RPL34: variants seen among roughly 807,000 people sequenced by gnomAD.
RPL34 encodes the protein ribosomal protein L34.
A neutral mutation model predicts 16.3 loss-of-function variants in RPL34; 2 were observed. The observed-to-expected ratio is 0.12, with a 90% CI of 0.05 to 0.39. The LOEUF (loss-of-function observed/expected upper bound fraction) is 0.39, where lower values mean the gene tolerates loss of function less well. Ranked by LOEUF, RPL34 falls within the 10% of genes least tolerant of loss-of-function variation. The pLI is 0.99. For missense variants in RPL34, 82 were observed against 148.8 expected, an observed-to-expected ratio of 0.55 and a Z score of 2.33; for synonymous variants, 47 against 48.5, an observed-to-expected ratio of 0.97 and a Z score of 0.13.
Position 108,622,515 on chromosome 4 carries a change from G to A in RPL34, c.166G>A (p.Val56Ile), listed in dbSNP as rs370982174. 365 of 1,607,038 alleles carry A rather than the reference G, an allele frequency of 2.3e-4. No homozygotes were observed. The highest frequency in any genetic ancestry group is 3.0e-4 in the Non-Finnish European group (357 of 1,175,348). The change falls in exon 4 of 5, where the codon GTT (valine) becomes ATT (isoleucine). Residue 56 changes from valine (V) to isoleucine (I), a missense_variant and splice_region_variant. Coordinates refer to ENST00000394667, the MANE Select transcript of RPL34 (RefSeq NM_001319236.2). ...AAATCTTAATATTTTTCTTATGCAGGTTCGTGCTGTAAGACCTAAAGTTCT... is the reference window on the plus strand; with the variant it reads ...AAATCTTAATATTTTTCTTATGCAGATTCGTGCTGTAAGACCTAAAGTTCT... ...CGVCPGRLRG[V>I]RAVRPKVLMR...
At chr4:108,628,142 T>C (rs1332706113), downstream of RPL34, among the ~76,000 whole-genome samples, 1 of 152,220 alleles carries the variant, frequency 6.6e-6, no homozygotes, top group Non-Finnish European at 1.5e-5. Flanking sequence ...TCTCAAACGA[T>C]TGAGATACAT....
At chr4:108,624,587 G>T (rs985563563) in intron 4 of RPL34, among the ~76,000 whole-genome samples, 2 of 152,120 alleles carry the variant, frequency 1.3e-5, no homozygotes, top group African/African-American at 4.8e-5. Flanking sequence ...TGTTAAATAC[G>T]TGTGAAACTA....
chr4:108,624,306 G>A (rs1725904964), intron 4 of RPL34, among the ~76,000 whole-genome samples: 1 of 152,164 alleles, frequency 6.6e-6, no homozygotes, highest in Non-Finnish European at 1.5e-5. Flanking sequence ...ATCACATGGG[G>A]GAGATTTGAA....
intron 4 of RPL34, chr4:108,622,983 G>A (rs1419376914): frequency 1.2e-5 from 2 of 167,100 alleles, no homozygotes; most frequent in South Asian, 1.7e-4. Context: ...GAACAGAAGA[G>A]TTGTGTATTC....
exon 6 of RPL34, chr4:108,630,396 A>G (rs1193061667): frequency 6.6e-6 from 1 of 152,212 alleles, no homozygotes; most frequent in Non-Finnish European, 1.5e-5. Context: ...AAAATCCAAA[A>G]TGAGCCTTTT....
At chr4:108,624,692 G>A (rs1192069775) in intron 4 of RPL34, among the ~76,000 whole-genome samples, 2 of 152,188 alleles carry the variant, frequency 1.3e-5, no homozygotes, top group Admixed American at 1.3e-4. Context: ...CTTGCTCTTG[G>A]TGAGGTGTCT....
downstream of RPL34, among the ~76,000 whole-genome samples, chr4:108,629,837 G>T (rs944326606): frequency 6.6e-6 from 1 of 152,156 alleles, no homozygotes; most frequent in African/African-American, 2.4e-5. Flanking sequence ...TTAAGAGCTT[G>T]GGCTTCCAGA....
At chr4:108,628,221 T>C (rs1293218252), downstream of RPL34, among the ~76,000 whole-genome samples, 1 of 152,242 alleles carries the variant, frequency 6.6e-6, no homozygotes, top group Non-Finnish European at 1.5e-5. Context: ...TTAATTATCT[T>C]GTATAATGTT....
chr4:108,623,464 C>CA (rs1284590476), intron 4 of RPL34: 22 of 152,410 alleles, frequency 1.4e-4, no homozygotes, highest in African/African-American at 5.3e-4. Context: ...GGCTGGAGTC[C>CA]AGTGGTGTGA....
At chr4:108,628,154 A>G (rs1323084538), downstream of RPL34, among the ~76,000 whole-genome samples, 2 of 152,252 alleles carry the variant, frequency 1.3e-5, no homozygotes, top group African/African-American at 2.4e-5. Context: ...GAGATACATT[A>G]GCTTTCTCCA....
At chr4:108,627,488 T>C (rs1362828759), downstream of RPL34, among the ~76,000 whole-genome samples, 2 of 152,164 alleles carry the variant, frequency 1.3e-5, no homozygotes, top group Non-Finnish European at 2.9e-5. Context: ...GTTCTTGGTA[T>C]AAAAAATTTT....
rs754097139 is a variant in RPL34, at chr4:108,625,275, T to A, written c.*63T>A. On this transcript the variant is annotated 3_prime_UTR_variant, in exon 5 of 5. Transcript: ENST00000394667. The stretch of plus-strand genomic sequence containing the variant: ...CGCTGTATGTATGACTTTTTTTTTT[T>A]CTGTTGTAATGTGTTAGTATACAGA... 205 of 928,714 alleles carry A rather than the reference T, an allele frequency of 2.2e-4. No homozygotes were observed. The highest frequency in any genetic ancestry group is 1.8e-3 in the Middle Eastern group (8 of 4,476). The allele number at this position is 928,714 out of a possible 1,614,324, so 57.5% of individuals were successfully genotyped here. A position where few individuals can be genotyped will look rare whatever the true frequency, so the allele number is the denominator to read the frequency against.
At chr4:108,627,856 C>CA (rs113128106), downstream of RPL34, among the ~76,000 whole-genome samples, 1,278 of 116,914 alleles carry the variant, frequency 0.011, 5 homozygotes, top group African/African-American at 0.024. Flanking sequence ...TGAGACTCCT[C>CA]AAAAAAAAAA....
At chr4:108,625,978 C>T (rs1578325012), downstream of RPL34, among the ~76,000 whole-genome samples, 1 of 152,114 alleles carries the variant, frequency 6.6e-6, no homozygotes, top group Admixed American at 6.6e-5. Flanking sequence ...TAGGTCACTT[C>T]AGTTCAAAAA....
At chr4:108,625,858 T>A (rs1015639984), downstream of RPL34, among the ~76,000 whole-genome samples, 2 of 152,154 alleles carry the variant, frequency 1.3e-5, no homozygotes, top group African/African-American at 2.4e-5. Flanking sequence ...CCTTTGATCC[T>A]TACTATGGTA....
chr4:108,622,747 T>C (rs1725838170), intron 4 of RPL34, 129 bp downstream of exon 4: 1 of 548,896 alleles, frequency 1.8e-6, no homozygotes, highest in Non-Finnish European at 3.3e-6. Context: ...TTCTTTGCTA[T>C]GGATAATTGA....
downstream of RPL34, chr4:108,629,900 C>T (rs1273354540): frequency 6.6e-6 from 1 of 152,204 alleles, no homozygotes; most frequent in Admixed American, 6.5e-5. Flanking sequence ...TGCATCTTAT[C>T]AAACCAACTA....
downstream of RPL34, among the ~76,000 whole-genome samples, chr4:108,629,033 G>C (rs1726101854): frequency 6.6e-6 from 1 of 152,102 alleles, no homozygotes; most frequent in Admixed American, 6.5e-5. Flanking sequence ...GGCCAGGCTG[G>C]TCTCGAACTC....
intron 3 of RPL34, 107 bp from the exon 4 acceptor site, chr4:108,622,408 C>T (rs894827482): frequency 4.6e-6 from 4 of 872,786 alleles, no homozygotes; most frequent in Admixed American, 4.1e-5. Flanking sequence ...TAAATGAGTA[C>T]ACCATTTCCC....
Sources: allele counts gnomAD v4.1 joint callset (sites outside exome capture counted in the v4.1 genomes callset), GRCh38; gene constraint gnomAD v4.1.1; transcripts MANE v1.5; gene names NCBI Gene and HGNC (gene_info 2026-07-23, HGNC 2026-07-21).